DMD: variants seen among roughly 807,000 people sequenced by gnomAD.
The protein encoded by DMD is mutant dystrophin.
In DMD, 63 loss-of-function variants were observed where a neutral mutation model predicts 330.1. The observed-to-expected ratio is 0.19, with a 90% CI of 0.16 to 0.24. DMD has a LOEUF of 0.24. Ranked by LOEUF, DMD falls within the 10% of genes least tolerant of loss-of-function variation. The pLI, the probability that DMD is intolerant of heterozygous loss-of-function variation, is 1.00. For synonymous variants in DMD, 1,223 were observed against 959.8 expected (o/e 1.27, Z -5.07); for missense variants, 3,344 against 2,684.1 (o/e 1.25, Z -5.43).
At position 31,308,455 on chromosome X, in the gene DMD, G is replaced by C. The variant is rs373130195; in HGVS notation, c.9224+15143C>G. Among the ~76,000 whole-genome samples, 11 of 111,466 alleles carry C rather than the reference G, an allele frequency of 9.9e-5. No individual in the cohort carries two copies. The South Asian group carries it at 4.1e-3, about 42-fold the overall frequency. The stretch of plus-strand genomic sequence containing the variant: ...CAAACTGAAATATACAAAATAAATG[G>C]ACTGCTAAAAAATCGCTTCCAAATG... On this transcript the variant is annotated intron_variant, in intron 62 of 78. Coordinates refer to ENST00000357033, the MANE Select transcript of DMD (RefSeq NM_004006.3).
intron 41 of DMD, among the ~76,000 whole-genome samples, chrX:32,333,750 A>G (rs751506086): frequency 9.0e-6 from 1 of 110,592 alleles, no homozygotes; most frequent in East Asian, 2.9e-4. Flanking sequence ...TTGAAAATTC[A>G]GACTTTAAGG....
chrX:31,383,813 G>A (rs767756476), intron 60 of DMD, among the ~76,000 whole-genome samples: 21 of 111,674 alleles, frequency 1.9e-4, no homozygotes, highest in Non-Finnish European at 3.0e-4. Flanking sequence ...AGCTGGACTC[G>A]AGGTGAAGAT....
chrX:32,811,056 G>A (rs1405384840), intron 6 of DMD, among the ~76,000 whole-genome samples: 1 of 109,995 alleles, frequency 9.1e-6, no homozygotes, highest in African/African-American at 3.3e-5. Flanking sequence ...ATGCTGGCCA[G>A]GCACCTTGGC....
In DMD at chrX:32,931,490, T is replaced by C. The variant is rs370448345; in HGVS notation, c.94-81670A>G. ...GAGTAACTGTGTTATTCTGATTTGCTGAATCTTTTGTTCACATGTAGGCTG... is the reference window on the plus strand; with the variant it reads ...GAGTAACTGTGTTATTCTGATTTGCCGAATCTTTTGTTCACATGTAGGCTG... On this transcript the variant is annotated intron_variant, in intron 2 of 78. Coordinates refer to ENST00000357033, the MANE Select transcript of DMD (RefSeq NM_004006.3). Among the ~76,000 whole-genome samples the C allele has an allele frequency of 1.1e-4, 12 of 112,099 alleles. No individual in the cohort carries two copies. The East Asian group carries it at 2.8e-3, about 26-fold the overall frequency.
chrX:32,577,451 GAAT>G (rs1003860855), intron 13 of DMD, among the ~76,000 whole-genome samples: 2 of 112,357 alleles, frequency 1.8e-5, no homozygotes, highest in African/African-American at 3.2e-5. Flanking sequence ...AATGTCTGTC[GAAT>G]AATAATACCA....
intron 12 of DMD, among the ~76,000 whole-genome samples, chrX:32,612,848 C>A (rs1449651350): frequency 1.8e-5 from 2 of 110,679 alleles, no homozygotes; most frequent in African/African-American, 6.6e-5. Context: ...TCTTAGAGGA[C>A]TCCTGGGGGT....
chrX:31,328,830 T>C (rs1168672421), intron 61 of DMD, among the ~76,000 whole-genome samples: 2 of 112,540 alleles, frequency 1.8e-5, no homozygotes, highest in Non-Finnish European at 3.8e-5. Context: ...TGATGGTTAA[T>C]TGTGGAACCA....
chrX:32,459,265 C>T (rs141783389), intron 25 of DMD, among the ~76,000 whole-genome samples: 1,535 of 110,800 alleles, frequency 0.014, 23 homozygotes, highest in African/African-American at 0.048. Context: ...CATGGGTATA[C>T]GCTTATCCCC....
intron 52 of DMD, among the ~76,000 whole-genome samples, chrX:31,723,138 C>G (rs1439105773): frequency 1.8e-5 from 2 of 110,244 alleles, no homozygotes; most frequent in Non-Finnish European, 3.8e-5. Flanking sequence ...GTGGTGCTAC[C>G]TCTTCTCAAA....
intron 30 of DMD, among the ~76,000 whole-genome samples, chrX:32,402,405 T>A (rs1348388787): frequency 1.8e-5 from 2 of 111,711 alleles, no homozygotes; most frequent in Non-Finnish European, 3.8e-5. Context: ...AGGAAATTTA[T>A]AGAGTCATGT....
chrX:31,662,019 A>G (rs1023827514), intron 53 of DMD, among the ~76,000 whole-genome samples: 10 of 111,699 alleles, frequency 9.0e-5, no homozygotes, highest in African/African-American at 2.9e-4. Flanking sequence ...TATTGACCCT[A>G]CATGGTAGAA....
At chrX:31,727,707 C>A (rs1470941880) in intron 52 of DMD, among the ~76,000 whole-genome samples, 1 of 111,927 alleles carries the variant, frequency 8.9e-6, no homozygotes, top group Non-Finnish European at 1.9e-5. Flanking sequence ...TGGGAGATTA[C>A]CTGTTATAGT....
At chrX:32,093,963 T>A (rs1221477714) in intron 44 of DMD, among the ~76,000 whole-genome samples, 1 of 110,608 alleles carries the variant, frequency 9.0e-6, no homozygotes, top group Non-Finnish European at 1.9e-5. Context: ...ATCAATGAGG[T>A]TACGGAGAAT....
At chrX:31,879,208 G>GC (rs1480349618) in intron 47 of DMD, among the ~76,000 whole-genome samples, 12 of 32,112 alleles carry the variant, frequency 3.7e-4, no homozygotes, top group African/African-American at 1.4e-3. Context: ...ATTCTACATG[G>GC]CGGGGGGGGG....
chrX:33,267,932 C>G (rs115204935), intron 1 of DMD, among the ~76,000 whole-genome samples: 1 of 110,791 alleles, frequency 9.0e-6, no homozygotes, highest in Non-Finnish European at 1.9e-5. Context: ...AATGTAAGAC[C>G]TAAAACTACA....
At chrX:31,292,150 AC>A (rs1211703185) in intron 62 of DMD, among the ~76,000 whole-genome samples, 8 of 111,552 alleles carry the variant, frequency 7.2e-5, no homozygotes, top group East Asian at 2.8e-4. Context: ...AATCAAAAAA[AC>A]AATTTAATTA....
chrX:31,409,432 C>T (rs1380701904), intron 60 of DMD, among the ~76,000 whole-genome samples: 1 of 112,355 alleles, frequency 8.9e-6, no homozygotes, highest in Non-Finnish European at 1.9e-5. Flanking sequence ...CCCTCCTTTA[C>T]TACAATGGGG....
intron 9 of DMD, among the ~76,000 whole-genome samples, chrX:32,661,012 T>A (rs1386767018): frequency 9.0e-6 from 1 of 111,378 alleles, no homozygotes; most frequent in East Asian, 2.8e-4. Flanking sequence ...ATGCATCCTA[T>A]TAAGGATCTC....
intron 60 of DMD, among the ~76,000 whole-genome samples, chrX:31,366,496 A>C (rs868123767): frequency 3.3e-4 from 21 of 63,486 alleles, no homozygotes; most frequent in African/African-American, 8.2e-4. Context: ...AAAAAAAAAA[A>C]CATAAAAAAA....
Sources: allele counts gnomAD v4.1 joint callset (sites outside exome capture counted in the v4.1 genomes callset), GRCh38; gene constraint gnomAD v4.1.1; transcripts MANE v1.5; gene names NCBI Gene and HGNC (gene_info 2026-07-23, HGNC 2026-07-21).